Variants in ZNF44 observed in about 807,000 individuals in gnomAD.
ZNF44 encodes the protein gonadotropin inducible transcription repressor-2.
In ZNF44, 9 loss-of-function variants were observed where a neutral mutation model predicts 11.7. The observed-to-expected ratio is 0.77, with a 90% CI of 0.46 to 1.35. ZNF44 has a LOEUF of 1.35. Among genes scored for constraint, ZNF44 ranks in the 40% most tolerant of loss-of-function variants. The pLI is 0.00. For synonymous variants in ZNF44, 224 were observed against 242.7 expected (o/e 0.92, Z 0.72); for missense variants, 696 against 743.1 (o/e 0.94, Z 0.74).
downstream of ZNF44, among the ~76,000 whole-genome samples, chr19:12,243,063 C>A (rs138664213): frequency 0.012 from 1,863 of 152,252 alleles, 50 homozygotes; most frequent in African/African-American, 0.042. Context: ...CAAGGTGACA[C>A]AGAAAAATTC....
At chr19:12,267,833 C>CTTTT (rs763187011), downstream of ZNF44, among the ~76,000 whole-genome samples, 2 of 143,530 alleles carry the variant, frequency 1.4e-5, no homozygotes, top group Non-Finnish European at 3.0e-5. Flanking sequence ...GACAGATTGT[C>CTTTT]TTTTTTTTTT....
In ZNF44 at chr19:12,273,129, G is replaced by A; in HGVS notation, c.1126C>T (p.His376Tyr). Residue 376 changes from histidine (H) to tyrosine (Y), a missense_variant, in exon 4 of 4, where the codon CAT (histidine) becomes TAT (tyrosine). By Grantham distance (83) the His-to-Tyr change is moderately conservative. Coordinates refer to ENST00000355684, the MANE Select transcript of ZNF44 (RefSeq NM_016264.4). The part of the protein sequence containing the change: ...ECKQCGKLLS[H>Y]RSSFRRHMMA... ...ATGTGTCTTCGAAAGCTTGAGCGATGAGATAACAATTTCCCACATTGCTTA... is the reference window on the plus strand; with the variant it reads ...ATGTGTCTTCGAAAGCTTGAGCGATAAGATAACAATTTCCCACATTGCTTA... 6.2e-7 allele frequency: 1 copy of A among 1,613,684 alleles called. No homozygotes were observed. The highest frequency in any genetic ancestry group is 8.5e-7 in the Non-Finnish European group (1 of 1,179,698).
intron 1 of ZNF44, among the ~76,000 whole-genome samples, chr19:12,281,502 C>G (rs890786208): frequency 6.6e-6 from 1 of 152,112 alleles, no homozygotes; most frequent in African/African-American, 2.4e-5. Flanking sequence ...ACACCCTAAC[C>G]TTCCATTTTA....
At chr19:12,279,936 T>C (rs1599537092) in intron 1 of ZNF44, among the ~76,000 whole-genome samples, 1 of 151,432 alleles carries the variant, frequency 6.6e-6, no homozygotes, top group African/African-American at 2.4e-5. Flanking sequence ...TGTGTGTGTG[T>C]GTGTGTGTGT....
chr19:12,251,250 G>C (rs974868048), intron 5 of ZNF44, among the ~76,000 whole-genome samples: 6 of 151,472 alleles, frequency 4.0e-5, no homozygotes, highest in African/African-American at 7.3e-5. Flanking sequence ...AGAATCACTT[G>C]AATCTGGGAG....
intron 3 of ZNF44, chr19:12,226,640 AAC>A (rs1915931150): frequency 6.6e-6 from 1 of 152,268 alleles, no homozygotes; most frequent in Non-Finnish European, 1.5e-5. Context: ...GGTAGAGAGA[AAC>A]AAGAATGCTC....
rs748648488 is a variant in ZNF44, at chr19:12,273,036, C to T, written c.1219G>A (p.Val407Ile). The T allele has an allele frequency of 1.2e-6, 2 of 1,609,732 alleles. No individual in the cohort carries two copies. Among genetic ancestry groups the T allele is most frequent in the South Asian group, 2.2e-5 (2 of 90,832 alleles). ...TGAGTCCTTTCATGTCTTTGAAATA[C>T]ACTAGGAGAATCAAAGGCTTTCCCA... is the stretch of plus-strand genomic sequence containing the variant. Reference protein sequence around the residue: ...VCGKAFDSPSVFQRHERTHTG... With the variant: ...VCGKAFDSPSIFQRHERTHTG... Residue 407 changes from valine to isoleucine, a missense_variant, in exon 4 of 4, where the codon GTA (valine) becomes ATA (isoleucine). Transcript: ENST00000355684.
intron 5 of ZNF44, among the ~76,000 whole-genome samples, chr19:12,262,136 T>C (rs767459330): frequency 2.0e-5 from 3 of 152,228 alleles, no homozygotes; most frequent in Non-Finnish European, 4.4e-5. Context: ...TAAAGCATGA[T>C]GGATTTAAAC....
chr19:12,268,925 G>A (rs900060837), downstream of ZNF44, among the ~76,000 whole-genome samples: 1 of 152,000 alleles, frequency 6.6e-6, no homozygotes, highest in Non-Finnish European at 1.5e-5. Context: ...AAAATTATCT[G>A]TAGACACATG....
chr19:12,292,772 C>A (rs1201555348), intron 1 of ZNF44, among the ~76,000 whole-genome samples: 1 of 151,832 alleles, frequency 6.6e-6, no homozygotes, highest in Admixed American at 6.6e-5. Flanking sequence ...TGAATAACAC[C>A]ATCCAATTTT....
chr19:12,231,893 A>T (rs370692315), intron 2 of ZNF44, among the ~76,000 whole-genome samples: 18 of 152,294 alleles, frequency 1.2e-4, no homozygotes, highest in African/African-American at 4.3e-4. Context: ...GGAACAAGAG[A>T]CTTGGAAAAG....
At chr19:12,284,924 G>A (rs1455406766) in intron 1 of ZNF44, 23 of 717,988 alleles carry the variant, frequency 3.2e-5, no homozygotes, top group East Asian at 2.1e-4. Context: ...TCGTCTCAGC[G>A]CCTGTGCCCA....
chr19:12,238,398 G>A (rs983228068), upstream of ZNF44, among the ~76,000 whole-genome samples: 3 of 151,982 alleles, frequency 2.0e-5, no homozygotes, highest in Admixed American at 6.6e-5. Flanking sequence ...AGGCCAAGGC[G>A]GGCGGACCAC....
chr19:12,225,374 T>A (rs1915871749), downstream of ZNF44: 1 of 152,258 alleles, frequency 6.6e-6, no homozygotes, highest in Non-Finnish European at 1.5e-5. Flanking sequence ...CCATGCTATC[T>A]ATGATTTTGT....
chr19:12,228,611 CTTG>C (rs1022624293), intron 3 of ZNF44, among the ~76,000 whole-genome samples: 11 of 152,136 alleles, frequency 7.2e-5, no homozygotes, highest in Non-Finnish European at 1.5e-4. Context: ...AACTTTCTGA[CTTG>C]TTGTAAACAT....
chr19:12,261,001 TCA>T (rs781266036), intron 5 of ZNF44, among the ~76,000 whole-genome samples: 2 of 152,196 alleles, frequency 1.3e-5, no homozygotes, highest in Admixed American at 6.5e-5. Flanking sequence ...ACAGTGGGTC[TCA>T]CACACACTGA....
intron 3 of ZNF44, chr19:12,230,378 C>T (rs1916109500): frequency 1.3e-5 from 2 of 152,208 alleles, no homozygotes; most frequent in Non-Finnish European, 2.9e-5. Context: ...CTAGCTTAGT[C>T]CCACTGGTCC....
upstream of ZNF44, among the ~76,000 whole-genome samples, chr19:12,242,553 C>T (rs567007342): frequency 4.7e-4 from 67 of 142,162 alleles, no homozygotes; most frequent in African/African-American, 1.7e-3. Flanking sequence ...CATTGGCACA[C>T]GGCTCACACC....
intron 5 of ZNF44, among the ~76,000 whole-genome samples, chr19:12,254,761 A>T (rs906544245): frequency 1.3e-5 from 2 of 151,266 alleles, no homozygotes; most frequent in East Asian, 1.9e-4. Context: ...ATAATAAAAT[A>T]AAAAATAAAT....
Sources: gnomAD v4.1 joint callset for allele counts (sites outside exome capture counted in the v4.1 genomes callset) on GRCh38, gnomAD v4.1.1 for gene constraint, MANE v1.5 for transcripts, NCBI Gene and HGNC (gene_info 2026-07-23, HGNC 2026-07-21) for gene names.